The following EPB41L4B variants were observed in gnomAD, a reference collection of about 807,000 sequenced individuals.
The protein encoded by EPB41L4B is band 4.1-like protein 4B.
A neutral mutation model predicts 112.5 loss-of-function variants in EPB41L4B; 30 were observed. That is an observed-to-expected ratio of 0.27 (90% CI 0.20 to 0.36). EPB41L4B has a LOEUF of 0.36. Among genes scored for constraint, EPB41L4B ranks in the 10% least tolerant of loss-of-function variants. EPB41L4B has a pLI of 1.00. For synonymous variants in EPB41L4B, 408 were observed against 439.7 expected (o/e 0.93, Z 0.90); for missense variants, 1,024 against 1,133.3 (o/e 0.90, Z 1.38).
Position 109,237,110 on chromosome 9 carries a change from G to A in EPB41L4B, c.1409+6508C>T, listed in dbSNP as rs188284797. The stretch of plus-strand genomic sequence containing the variant: ...TTACTTGTGTTCAGAGCGGGACCCA[G>A]GAGGCTGGAGTCGCTGACCTGGAAG... On this transcript the variant is annotated intron_variant, in intron 15 of 25. Coordinates refer to ENST00000374566, the MANE Select transcript of EPB41L4B (RefSeq NM_019114.5). Among the ~76,000 whole-genome samples, 9 of 152,340 alleles carry A rather than the reference G, an allele frequency of 5.9e-5. No homozygotes were observed. In the East Asian group the frequency reaches 1.7e-3, roughly 29 times the overall value.
intron 22 of EPB41L4B, among the ~76,000 whole-genome samples, chr9:109,186,892 G>A (rs774238057): frequency 1.3e-5 from 2 of 152,192 alleles, no homozygotes; most frequent in Admixed American, 1.3e-4. Flanking sequence ...GTGGCATCTC[G>A]TTTGACACTG....
intron 6 of EPB41L4B, among the ~76,000 whole-genome samples, chr9:109,262,478 T>TGTGC (rs1554756275): frequency 5.3e-5 from 8 of 151,624 alleles, no homozygotes; most frequent in South Asian, 2.1e-4. Flanking sequence ...TGTGTGTGTG[T>TGTGC]GCAAACCCCT....
intron 1 of EPB41L4B, among the ~76,000 whole-genome samples, chr9:109,313,520 G>T (rs942138615): frequency 3.9e-5 from 6 of 152,230 alleles, no homozygotes; most frequent in Non-Finnish European, 8.8e-5. Flanking sequence ...ATCCTGGGCT[G>T]GCGAGAGTCG....
chr9:109,302,239 G>A (rs890478393), intron 1 of EPB41L4B, among the ~76,000 whole-genome samples: 1 of 152,184 alleles, frequency 6.6e-6, no homozygotes, highest in East Asian at 1.9e-4. Context: ...TTGGTTCTGT[G>A]TACACAGCGG....
chr9:109,255,436 AT>A lies in EPB41L4B; in HGVS notation c.1169+74del, dbSNP rs147789521. On this transcript the variant is annotated intron_variant, in intron 11 of 25. Transcript: ENST00000374566. The stretch of plus-strand genomic sequence containing the variant: ...TTTCTGGACTCAAATCCACTACTCT[AT>A]TCGCATACAAGAAAGAAATCACAGT... 7.1e-4 allele frequency: 1,101 copies of A among 1,557,836 alleles called. 19 individuals are homozygous for A. The East Asian group carries it at 0.023, about 33-fold the overall frequency.
At chr9:109,319,561 G>T (rs1219122340) in intron 1 of EPB41L4B, among the ~76,000 whole-genome samples, 1 of 152,230 alleles carries the variant, frequency 6.6e-6, no homozygotes, top group African/African-American at 2.4e-5. Context: ...TGGGAATGGG[G>T]TGTATCCAGA....
chr9:109,291,929 T>C (rs1268247634), intron 1 of EPB41L4B, among the ~76,000 whole-genome samples: 1 of 152,190 alleles, frequency 6.6e-6, no homozygotes, highest in Non-Finnish European at 1.5e-5. Context: ...TGATCAGCTA[T>C]TGATCAGCCT....
intron 1 of EPB41L4B, among the ~76,000 whole-genome samples, chr9:109,301,417 A>G (rs1172887490): frequency 6.6e-6 from 1 of 152,162 alleles, no homozygotes; most frequent in Non-Finnish European, 1.5e-5. Context: ...AAGTTATCCT[A>G]CTTTGACAAA....
At chr9:109,289,678 C>T (rs10739277) in intron 1 of EPB41L4B, among the ~76,000 whole-genome samples, 141,840 of 152,272 alleles carry the variant, frequency 0.93, 66,216 homozygotes, top group East Asian at 1. Flanking sequence ...TCTGTCCTAA[C>T]GCACACTAGG....
intron 22 of EPB41L4B, 99 bp downstream of exon 22, chr9:109,192,179 G>T (rs377641432): frequency 7.7e-6 from 7 of 913,404 alleles, no homozygotes; most frequent in East Asian, 7.6e-5. Flanking sequence ...AGAGGAAGAG[G>T]CTCCTCAACA....
At chr9:109,196,307 C>T (rs1381389695) in intron 20 of EPB41L4B, 1 of 151,980 alleles carries the variant, frequency 6.6e-6, no homozygotes, top group African/African-American at 2.4e-5. Context: ...CCAAAGTGAG[C>T]ACTATTGAAT....
intron 1 of EPB41L4B, among the ~76,000 whole-genome samples, chr9:109,301,511 A>G (rs1040987003): frequency 6.6e-5 from 10 of 151,912 alleles, no homozygotes; most frequent in African/African-American, 2.4e-5. Flanking sequence ...TTCCTCGTCA[A>G]TCCCTGAGCT....
chr9:109,296,577 A>G (rs1023412493), intron 1 of EPB41L4B, among the ~76,000 whole-genome samples: 6 of 152,148 alleles, frequency 3.9e-5, no homozygotes, highest in Admixed American at 3.9e-4. Flanking sequence ...TTTAGGTGGC[A>G]TGCCTATTTA....
Position 109,253,646 on chromosome 9 carries a change from G to A in EPB41L4B, c.1170-96C>T, listed in dbSNP as rs1014625619. On this transcript the variant is annotated intron_variant, in intron 11 of 25. Coordinates refer to ENST00000374566, the MANE Select transcript of EPB41L4B (RefSeq NM_019114.5). ...CACTTTTATTTCCAAGAGCTCCAAC[G>A]TACGTTTCAACTTAGCCTGAACTCA... 1.3e-4 allele frequency: 105 copies of A among 794,270 alleles called. 1 individual carries two copies. Among genetic ancestry groups the A allele is most frequent in the Middle Eastern group, 6.9e-4 (3 of 4,338 alleles). 49.2% of individuals were successfully genotyped at this position (794,270 alleles called of 1,614,324 possible).
intron 1 of EPB41L4B, among the ~76,000 whole-genome samples, chr9:109,315,212 T>C (rs1172067462): frequency 1.3e-5 from 2 of 152,318 alleles, no homozygotes; most frequent in African/African-American, 2.4e-5. Context: ...TACAGCAGTT[T>C]ATAATGCATG....
intron 15 of EPB41L4B, among the ~76,000 whole-genome samples, chr9:109,233,251 T>A (rs942698995): frequency 6.6e-6 from 1 of 152,206 alleles, no homozygotes; most frequent in Admixed American, 6.5e-5. Flanking sequence ...ACTCTTGGGA[T>A]GTGGCTGTAA....
chr9:109,255,572 G>A lies in EPB41L4B; in HGVS notation c.1108C>T (p.Pro370Ser). ...EHHAFFRLRT[P>S]GNSKSNRSDF... ...GATCTATTGGATTTGCTGTTTCCTGGCGTCCGCAGTCGGAAGAATGCGTGG... is the reference window on the plus strand; with the variant it reads ...GATCTATTGGATTTGCTGTTTCCTGACGTCCGCAGTCGGAAGAATGCGTGG... The change falls in exon 11 of 26, where the codon CCA becomes TCA. Residue 370 changes from proline to serine, a missense_variant. By Grantham distance (74) the Pro-to-Ser change is moderately conservative. Coordinates refer to ENST00000374566, the MANE Select transcript of EPB41L4B (RefSeq NM_019114.5). 4.3e-6 allele frequency: 7 copies of A among 1,614,188 alleles called. No individual in the cohort carries two copies. The highest frequency in any genetic ancestry group is 5.9e-6 in the Non-Finnish European group (7 of 1,180,034).
chr9:109,256,890 CA>C (rs1222422952), intron 7 of EPB41L4B, among the ~76,000 whole-genome samples: 1 of 152,170 alleles, frequency 6.6e-6, no homozygotes, highest in Non-Finnish European at 1.5e-5. Flanking sequence ...TGCAGTGAGC[CA>C]AGATCCAAGA....
chr9:109,291,920 GA>G (rs1184163972), intron 1 of EPB41L4B, among the ~76,000 whole-genome samples: 1 of 152,144 alleles, frequency 6.6e-6, no homozygotes, highest in Non-Finnish European at 1.5e-5. Context: ...TTGCATTACT[GA>G]TCAGCTATTG....
Sources: gnomAD v4.1 joint callset for allele counts (sites outside exome capture counted in the v4.1 genomes callset) on GRCh38, gnomAD v4.1.1 for gene constraint, MANE v1.5 for transcripts, NCBI Gene and HGNC (gene_info 2026-07-23, HGNC 2026-07-21) for gene names.